The following SYNPO2 variants were observed in gnomAD, a reference collection of about 807,000 sequenced individuals.
The protein encoded by SYNPO2 is synaptopodin 2, also known as synaptopodin-2.
SYNPO2 carries 56 observed loss-of-function variants against 85.0 expected under a neutral mutation model. The ratio of observed to expected loss-of-function variants is 0.66; its 90% CI spans 0.53 to 0.82. The LOEUF (loss-of-function observed/expected upper bound fraction) is 0.82. SYNPO2 is among the 40% of genes least tolerant of loss of function. The pLI, the probability that SYNPO2 is intolerant of heterozygous loss-of-function variation, is 0.00. For missense variants in SYNPO2, 1,575 were observed against 1,534.2 expected (o/e 1.03, Z -0.44); for synonymous variants, 602 against 591.1 (o/e 1.02, Z -0.27).
chr4:119,051,151 T>C (rs932732244), intron 4 of SYNPO2, among the ~76,000 whole-genome samples: 3 of 150,264 alleles, frequency 2.0e-5, no homozygotes, highest in Non-Finnish European at 4.4e-5. Flanking sequence ...GTAATCCATG[T>C]TAGCAGAATC....
intron 1 of SYNPO2, among the ~76,000 whole-genome samples, chr4:118,943,813 A>T (rs988809965): frequency 6.6e-6 from 1 of 152,240 alleles, no homozygotes; most frequent in South Asian, 2.1e-4. Flanking sequence ...AGTGTTAGAA[A>T]TGTCTTATGC....
In SYNPO2 at chr4:119,046,322, T is replaced by TAA. The variant is rs139591703; in HGVS notation, c.3253-11072_3253-11071dup. On this transcript the variant is annotated intron_variant, in intron 4 of 4. Transcript: ENST00000307142. ...TTTTATTCTTTTATAACAGAAGGTT[T>TAA]AAAAAAAATCAAGAAGTGTATATTT... Among the ~76,000 whole-genome samples, 4 of 152,156 alleles carry TAA rather than the reference T, an allele frequency of 2.6e-5. No homozygotes were observed. The South Asian group carries it at 8.3e-4, about 32-fold the overall frequency.
rs558132706 is a variant in SYNPO2, at chr4:118,957,890, T to G, written c.106-65540T>G. Among the ~76,000 whole-genome samples the G allele has an allele frequency of 1.4e-4, 22 of 152,298 alleles. 1 individual carries two copies. In the South Asian group the frequency reaches 3.1e-3, roughly 22 times the overall value. On this transcript the variant is annotated intron_variant, in intron 1 of 4. Coordinates refer to ENST00000307142, the MANE Select transcript of SYNPO2 (RefSeq NM_133477.3). ...CGTGAAAAGGTCACAGAGCCTGAACTGGAACCCATGGCTGCTCACTCCCGT... is the reference window on the plus strand; with the variant it reads ...CGTGAAAAGGTCACAGAGCCTGAACGGGAACCCATGGCTGCTCACTCCCGT...
intron 1 of SYNPO2, among the ~76,000 whole-genome samples, chr4:118,958,969 A>G (rs1578585462): frequency 6.6e-6 from 1 of 152,182 alleles, no homozygotes; most frequent in African/African-American, 2.4e-5. Context: ...CTAAGGTATC[A>G]ATGTTTACAT....
intron 1 of SYNPO2, among the ~76,000 whole-genome samples, chr4:118,865,072 A>G (rs1237069491): frequency 6.6e-6 from 1 of 152,218 alleles, no homozygotes; most frequent in East Asian, 1.9e-4. Flanking sequence ...GGAATTAATA[A>G]AACTTGGAAA....
intron 1 of SYNPO2, among the ~76,000 whole-genome samples, chr4:118,980,003 C>A (rs1735946108): frequency 6.6e-6 from 1 of 152,110 alleles, no homozygotes; most frequent in South Asian, 2.1e-4. Flanking sequence ...TCTTTAAGCA[C>A]TGTAGAGGAA....
intron 4 of SYNPO2, chr4:119,037,065 A>T (rs1306568633): frequency 2.0e-6 from 3 of 1,514,952 alleles, no homozygotes; most frequent in Admixed American, 2.1e-5. Context: ...ACCTCTGTTT[A>T]TGTCATTCTT....
At chr4:118,923,211 C>G (rs983756058) in intron 1 of SYNPO2, among the ~76,000 whole-genome samples, 1 of 151,966 alleles carries the variant, frequency 6.6e-6, no homozygotes, top group Non-Finnish European at 1.5e-5. Context: ...TACCGTGTAG[C>G]CATAAAAAAG....
At chr4:119,034,439 G>C (rs1183867013) in intron 4 of SYNPO2, 12 of 985,232 alleles carry the variant, frequency 1.2e-5, no homozygotes. Flanking sequence ...TCTTAGCAGA[G>C]CCACTATTTG....
At chr4:119,048,197 C>T (rs1738927949) in intron 4 of SYNPO2, among the ~76,000 whole-genome samples, 2 of 152,078 alleles carry the variant, frequency 1.3e-5, no homozygotes, top group African/African-American at 4.8e-5. Flanking sequence ...ACTTGGGGTG[C>T]ATATTGGTTT....
intron 1 of SYNPO2, among the ~76,000 whole-genome samples, chr4:118,853,000 C>T (rs116834347): frequency 6.6e-6 from 1 of 152,164 alleles, no homozygotes; most frequent in Non-Finnish European, 1.5e-5. Flanking sequence ...AATTGTCAAG[C>T]TCACAGTGGC....
chr4:119,035,872 T>A (rs1578667504), intron 4 of SYNPO2: 1 of 984,198 alleles, frequency 1.0e-6, no homozygotes, highest in Admixed American at 6.2e-5. Flanking sequence ...GACTAACGTA[T>A]GTGAGACCAT....
At chr4:118,961,605 A>G (rs988371274) in intron 1 of SYNPO2, among the ~76,000 whole-genome samples, 1 of 152,150 alleles carries the variant, frequency 6.6e-6, no homozygotes, top group Non-Finnish European at 1.5e-5. Flanking sequence ...AACTTCCTAT[A>G]TAGCTCTAAT....
At chr4:118,937,674 A>G (rs1338728176) in intron 1 of SYNPO2, among the ~76,000 whole-genome samples, 1 of 152,156 alleles carries the variant, frequency 6.6e-6, no homozygotes, top group African/African-American at 2.4e-5. Context: ...CACCTGTACA[A>G]TAAAGAAAAA....
chr4:118,946,699 A>G (rs1255084773), intron 1 of SYNPO2, among the ~76,000 whole-genome samples: 1 of 152,210 alleles, frequency 6.6e-6, no homozygotes, highest in Non-Finnish European at 1.5e-5. Flanking sequence ...TAGAGATTGT[A>G]AAGTCCTAGA....
In SYNPO2 at chr4:119,030,169, A is replaced by G. The variant is rs781116455; in HGVS notation, c.1394A>G (p.Asp465Gly). 3.1e-6 allele frequency: 5 copies of G among 1,614,160 alleles called. No homozygotes were observed. Among genetic ancestry groups the G allele is most frequent in the Non-Finnish European group, 4.2e-6 (5 of 1,180,028 alleles). Residue 465 changes from aspartate (D) to glycine (G), a missense_variant, in exon 4 of 5, where the codon GAT becomes GGT. Asp to Gly is a moderately conservative substitution (Grantham distance 94, BLOSUM62 -1). This residue lies in a region of SYNPO2 where 1,508 missense variants were observed against 1,446.8 expected (regional missense o/e 1.04). Transcript: ENST00000307142. ...ACACAAGTTGTGAACTTTGACTGGG[A>G]TTCTGGACTGGTGGACATTGAAAAG... The part of the protein sequence containing the change: ...DNTQVVNFDW[D>G]SGLVDIEKKL...
chr4:118,923,480 C>T (rs1334679794), intron 1 of SYNPO2, among the ~76,000 whole-genome samples: 1 of 152,008 alleles, frequency 6.6e-6, no homozygotes, highest in African/African-American at 2.4e-5. Context: ...AATCTGTACA[C>T]CAAACCTCCA....
chr4:118,923,888 C>CAAAAAAA (rs35102295), intron 1 of SYNPO2, among the ~76,000 whole-genome samples: 2 of 128,838 alleles, frequency 1.6e-5, no homozygotes, highest in African/African-American at 2.8e-5. Context: ...AGACTGCACT[C>CAAAAAAA]AAAAAAAAAA....
intron 1 of SYNPO2, among the ~76,000 whole-genome samples, chr4:118,927,697 G>GAGATAGATAGATAGAT (rs70944821): frequency 1.6e-5 from 2 of 124,868 alleles, no homozygotes; most frequent in East Asian, 2.4e-4. Flanking sequence ...ATTAAACAAT[G>GAGATAGATAGATAGAT]AGATAGATAG....
Sources: gnomAD v4.1 joint callset for allele counts (sites outside exome capture counted in the v4.1 genomes callset) on GRCh38, gnomAD v4.1.1 for gene constraint, gnomAD v4.1.1 regional missense constraint, MANE v1.5 for transcripts, NCBI Gene and HGNC (gene_info 2026-07-23, HGNC 2026-07-21) for gene names.